EGLN1: variants seen among roughly 807,000 people sequenced by gnomAD.
EGLN1 encodes the protein egl-9 family hypoxia inducible factor 1.
In EGLN1, 17 loss-of-function variants were observed where a neutral mutation model predicts 38.3. The ratio of observed to expected loss-of-function variants is 0.44; its 90% CI spans 0.30 to 0.67. EGLN1 has a LOEUF of 0.67. EGLN1 is among the 30% of genes least tolerant of loss of function. The probability of loss-of-function intolerance (pLI) is 0.08; values close to 1 mark genes in which losing one functional copy is unlikely to be tolerated. For synonymous variants in EGLN1, 283 were observed against 257.5 expected, an observed-to-expected ratio of 1.10 and a Z score of -0.95; for missense variants, 477 against 603.3, an observed-to-expected ratio of 0.79 and a Z score of 2.19.
Position 231,421,555 on chromosome 1 carries a change from CT to C in EGLN1, c.333del (p.Val112Ter). 1 of 1,309,608 alleles carries C rather than the reference CT, an allele frequency of 7.6e-7. No homozygotes were observed. Among genetic ancestry groups the C allele is most frequent in the Non-Finnish European group, 9.7e-7 (1 of 1,034,340 alleles). The allele number at this position is 1,309,608 out of a possible 1,614,324, so 81.1% of individuals were successfully genotyped here. ...DNASGDAAKGKVKAKPPADPA... is the reference protein window; with the variant it reads ...DNASGDAAKGXVKAKPPADPA... The stretch of plus-strand genomic sequence containing the variant: ...GGGTCGGCCGGGGGCTTGGCCTTTA[CT>C]TTTCCCTTGGCCGCGTCCCCGGAGG... On this transcript the variant is annotated frameshift_variant, in exon 1 of 5. Coordinates refer to ENST00000366641, the MANE Select transcript of EGLN1 (RefSeq NM_022051.3). LOFTEE classifies it high-confidence loss of function. The surrounding 1 kb of genome is among the most constrained non-coding windows in gnomAD (Gnocchi z 5.5).
chr1:231,385,568 G>A (rs116638009), intron 1 of EGLN1, among the ~76,000 whole-genome samples: 5 of 152,334 alleles, frequency 3.3e-5, no homozygotes, highest in African/African-American at 1.2e-4. Flanking sequence ...GTGAGTCAAG[G>A]AATGTGACAG....
chr1:231,420,680 G>A (rs1656551700), intron 1 of EGLN1, among the ~76,000 whole-genome samples: 1 of 152,138 alleles, frequency 6.6e-6, no homozygotes, highest in African/African-American at 2.4e-5. Flanking sequence ...CGCCACTAAG[G>A]TTTGAATTGT....
At chr1:231,403,767 CAAAAAAAA>C (rs1167705317) in intron 1 of EGLN1, among the ~76,000 whole-genome samples, 2 of 18,302 alleles carry the variant, frequency 1.1e-4, no homozygotes, top group African/African-American at 1.6e-4. Flanking sequence ...GACTCCATCT[CAAAAAAAA>C]AAAAAAAAAA....
At chr1:231,374,497 T>A (rs1687907446) in intron 1 of EGLN1, among the ~76,000 whole-genome samples, 1 of 151,522 alleles carries the variant, frequency 6.6e-6, no homozygotes, top group Non-Finnish European at 1.5e-5. Flanking sequence ...ACACCCCATC[T>A]GACACTGTCT....
At chr1:231,410,075 G>T (rs1168315698) in intron 1 of EGLN1, among the ~76,000 whole-genome samples, 3 of 152,164 alleles carry the variant, frequency 2.0e-5, no homozygotes, top group Non-Finnish European at 2.9e-5. Context: ...GGCAGACACT[G>T]CCAAGGAAGA....
chr1:231,388,232 A>G (rs1191783536), intron 1 of EGLN1, among the ~76,000 whole-genome samples: 1 of 151,642 alleles, frequency 6.6e-6, no homozygotes, highest in Non-Finnish European at 1.5e-5. Flanking sequence ...AGGACAGAGG[A>G]TGGAGGCCTC....
chr1:231,383,619 G>A (rs1688126716), intron 1 of EGLN1, among the ~76,000 whole-genome samples: 1 of 152,146 alleles, frequency 6.6e-6, no homozygotes, highest in Non-Finnish European at 1.5e-5. Context: ...TGAGAGAAAT[G>A]CAAATAGAAA....
At chr1:231,367,097 A>C (rs1386665534) in intron 4 of EGLN1, among the ~76,000 whole-genome samples, 1 of 152,188 alleles carries the variant, frequency 6.6e-6, no homozygotes, top group East Asian at 1.9e-4. Flanking sequence ...TGGAATCTAC[A>C]TGTCTGTGTC....
chr1:231,400,398 G>C (rs55819956), intron 1 of EGLN1, among the ~76,000 whole-genome samples: 1,783 of 152,170 alleles, frequency 0.012, 31 homozygotes, highest in African/African-American at 0.04. Flanking sequence ...TGGGGCCCTG[G>C]CATTAATGTG....
intron 1 of EGLN1, among the ~76,000 whole-genome samples, chr1:231,399,389 C>T (rs953105720): frequency 6.6e-6 from 1 of 152,070 alleles, no homozygotes; most frequent in Non-Finnish European, 1.5e-5. Context: ...AATTCAAACC[C>T]CAGTCTACCT....
intron 1 of EGLN1, among the ~76,000 whole-genome samples, chr1:231,383,873 T>C (rs1462209268): frequency 6.6e-6 from 1 of 152,154 alleles, no homozygotes; most frequent in Non-Finnish European, 1.5e-5. Flanking sequence ...TACTTTTTTT[T>C]CTTGACAATT....
In EGLN1 at chr1:231,419,663, T is replaced by C. The variant is rs547749638; in HGVS notation, c.891+1335A>G. The stretch of plus-strand genomic sequence containing the variant: ...CCTTTTCCTTCCAGTTTAATATTAT[T>C]CAACTGTTCCTTTTTAAGACTACAA... On this transcript the variant is annotated intron_variant, in intron 1 of 4. Coordinates refer to ENST00000366641, the MANE Select transcript of EGLN1 (RefSeq NM_022051.3). Among the ~76,000 whole-genome samples, 62 of 152,308 alleles carry C rather than the reference T, an allele frequency of 4.1e-4. 1 individual carries two copies. The highest frequency in any genetic ancestry group is 7.8e-4 in the Non-Finnish European group (53 of 68,030).
intron 1 of EGLN1, among the ~76,000 whole-genome samples, chr1:231,417,922 G>T (rs920534407): frequency 3.3e-5 from 5 of 152,134 alleles, no homozygotes; most frequent in Admixed American, 2.0e-4. Context: ...TTCTTAGTCA[G>T]AAAACCTGAA....
chr1:231,405,824 T>C (rs1033720751), intron 1 of EGLN1, among the ~76,000 whole-genome samples: 2 of 152,014 alleles, frequency 1.3e-5, no homozygotes, highest in East Asian at 1.9e-4. Flanking sequence ...TTCCTGAAAA[T>C]TGTCAATACG....
At chr1:231,400,275 A>T in intron 1 of EGLN1, among the ~76,000 whole-genome samples, 1 of 146,574 alleles carries the variant, frequency 6.8e-6, no homozygotes, top group East Asian at 2.0e-4. Context: ...TTGTCTTTAA[A>T]TTTTTTATTT....
In EGLN1 at chr1:231,367,752, T is replaced by C. The variant is rs192793536; in HGVS notation, c.1149-116A>G. 7 of 844,012 alleles carry C rather than the reference T, an allele frequency of 8.3e-6. No homozygotes were observed. In the Admixed American group the frequency reaches 1.3e-4, roughly 16 times the overall value. The allele number at this position is 844,012 out of a possible 1,614,324, so 52.3% of individuals were successfully genotyped here. A position where few individuals can be genotyped will look rare whatever the true frequency, so the allele number is the denominator to read the frequency against. On this transcript the variant is annotated intron_variant, in intron 3 of 4. Transcript: ENST00000366641. ...CAAAATTATGCCTAAACTGGAATGA[T>C]ATCAAAGGATAAATTTAACAGCTTA...
chr1:231,383,760 G>T (rs577884799), intron 1 of EGLN1, among the ~76,000 whole-genome samples: 1 of 152,102 alleles, frequency 6.6e-6, no homozygotes, highest in South Asian at 2.1e-4. Flanking sequence ...GGCCAACTGT[G>T]TTCAGTAAGA....
Position 231,421,715 on chromosome 1 carries a change from G to A in EGLN1, c.174C>T (p.Cys58=), listed in dbSNP as rs911423484. 1.3e-6 allele frequency: 2 copies of A among 1,525,730 alleles called. No homozygotes were observed. Among genetic ancestry groups the A allele is most frequent in the Non-Finnish European group, 1.7e-6 (2 of 1,143,488 alleles). The allele number at this position is 1,525,730 out of a possible 1,614,324, so 94.5% of individuals were successfully genotyped here. A position where few individuals can be genotyped will look rare whatever the true frequency, so the allele number is the denominator to read the frequency against. Residue 58 remains cysteine (C), a synonymous_variant, in exon 1 of 5, where the codon TGC becomes TGT. Coordinates refer to ENST00000366641, the MANE Select transcript of EGLN1 (RefSeq NM_022051.3). This position sits in a 1 kb window ranked among gnomAD's most constrained non-coding sequence, Gnocchi z 5.5. ...GGCCGAGGGCGCCCTCGCTGCCCTGGCACACGAGCTTGTGCTTCTTCCAGT... is the reference window on the plus strand; with the variant it reads ...GGCCGAGGGCGCCCTCGCTGCCCTGACACACGAGCTTGTGCTTCTTCCAGT... ...RQDWKKHKLV[C]QGSEGALGHG...
chr1:231,387,550 G>A (rs967058194), intron 1 of EGLN1, among the ~76,000 whole-genome samples: 9 of 151,652 alleles, frequency 5.9e-5, no homozygotes, highest in African/African-American at 1.5e-4. Flanking sequence ...TAGTAGAGAC[G>A]GGGTTTCGCC....
Sources: gnomAD v4.1 joint callset for allele counts (sites outside exome capture counted in the v4.1 genomes callset) on GRCh38, gnomAD v4.1.1 for gene constraint, Gnocchi (gnomAD v3.1) non-coding constraint, MANE v1.5 for transcripts, NCBI Gene and HGNC (gene_info 2026-07-23, HGNC 2026-07-21) for gene names.